The following GLCE variants were observed in gnomAD, a reference collection of about 807,000 sequenced individuals.
GLCE encodes glucuronic acid epimerase, also known as D-glucuronyl C5-epimerase.
Under a neutral mutation model 47.9 loss-of-function variants are expected in GLCE, and 19 were observed. The observed-to-expected ratio is 0.40, with a 90% confidence interval of 0.28 to 0.58. The LOEUF is 0.58. Among genes scored for constraint, GLCE ranks in the 20% least tolerant of loss-of-function variants. The probability of loss-of-function intolerance (pLI) is 0.48; values close to 1 mark genes in which losing one functional copy is unlikely to be tolerated. For synonymous variants in GLCE, 245 were observed against 263.4 expected (o/e 0.93, Z 0.68); for missense variants, 556 against 743.3 (o/e 0.75, Z 2.93).
At chr15:69,247,850 G>T (rs2052775110) in intron 2 of GLCE, among the ~76,000 whole-genome samples, 1 of 152,070 alleles carries the variant, frequency 6.6e-6, no homozygotes, top group African/African-American at 2.4e-5. Context: ...ATCAATAAAG[G>T]TTGCCATTTT....
chr15:69,261,297 G>A lies in GLCE; in HGVS notation c.797G>A (p.Arg266Lys). 6.2e-7 allele frequency: 1 copy of A among 1,613,962 alleles called. No individual in the cohort carries two copies. The highest frequency in any genetic ancestry group is 8.5e-7 in the Non-Finnish European group (1 of 1,179,952). The change falls in exon 4 of 5, where the codon AGA becomes AAA. Residue 266 changes from arginine (R) to lysine (K), a missense_variant. By Grantham distance (26) the Arg-to-Lys change is conservative. Coordinates refer to ENST00000261858, the MANE Select transcript of GLCE (RefSeq NM_015554.3). Reference sequence around the variant, plus strand: ...ATGGCGAATGTGGCTGATAAGTCTAGATTCACCAATGTCAAACAGTTTATT... The same window carrying A: ...ATGGCGAATGTGGCTGATAAGTCTAAATTCACCAATGTCAAACAGTTTATT... Reference protein sequence around the residue: ...CFMANVADKSRFTNVKQFIAP... With the variant: ...CFMANVADKSKFTNVKQFIAP...
intron 2 of GLCE, among the ~76,000 whole-genome samples, chr15:69,215,562 G>GTGTC (rs953209916): frequency 1.3e-5 from 2 of 151,238 alleles, no homozygotes; most frequent in African/African-American, 4.9e-5. Context: ...GTGTGTGTGT[G>GTGTC]TCTCTGTGTG....
At chr15:69,226,054 A>G (rs1291015967) in intron 2 of GLCE, among the ~76,000 whole-genome samples, 1 of 17,082 alleles carries the variant, frequency 5.9e-5, no homozygotes, top group Non-Finnish European at 2.4e-4. Context: ...ACAGACACAC[A>G]CACACACACA....
At chr15:69,227,865 C>T (rs2052471057) in intron 2 of GLCE, among the ~76,000 whole-genome samples, 2 of 152,106 alleles carry the variant, frequency 1.3e-5, no homozygotes, top group Admixed American at 1.3e-4. Context: ...TATGTGGAAA[C>T]TGGGTAAGGT....
chr15:69,202,881 AC>A (rs2052095456), intron 1 of GLCE, among the ~76,000 whole-genome samples: 1 of 152,072 alleles, frequency 6.6e-6, no homozygotes, highest in Admixed American at 6.6e-5. Flanking sequence ...TCTTATTCTG[AC>A]CTTTAATGTT....
At chr15:69,204,343 C>T (rs1228419379) in intron 1 of GLCE, among the ~76,000 whole-genome samples, 1 of 137,584 alleles carries the variant, frequency 7.3e-6, no homozygotes, top group Non-Finnish European at 1.5e-5. Flanking sequence ...AGTGCAGTGG[C>T]ACGATCTCAG....
intron 3 of GLCE, among the ~76,000 whole-genome samples, chr15:69,259,992 T>C (rs1323000274): frequency 6.6e-6 from 1 of 152,176 alleles, no homozygotes; most frequent in Non-Finnish European, 1.5e-5. Context: ...GATTCAACCA[T>C]ACAACATTAT....
intron 1 of GLCE, among the ~76,000 whole-genome samples, chr15:69,192,980 C>T (rs761266886): frequency 7.2e-5 from 11 of 152,076 alleles, no homozygotes; most frequent in Non-Finnish European, 1.0e-4. Context: ...GGTTCACCCT[C>T]CACATGTATA....
intron 2 of GLCE, among the ~76,000 whole-genome samples, chr15:69,253,326 A>G (rs897926577): frequency 6.6e-6 from 1 of 152,082 alleles, no homozygotes; most frequent in East Asian, 1.9e-4. Context: ...CTCCCCACCC[A>G]CTCACCCTGT....
At chr15:69,234,713 C>T (rs945800564) in intron 2 of GLCE, among the ~76,000 whole-genome samples, 3 of 152,126 alleles carry the variant, frequency 2.0e-5, no homozygotes, top group African/African-American at 7.2e-5. Context: ...AGGTCTTAAG[C>T]AGGAGGTTAA....
At chr15:69,192,070 T>A (rs568242722) in intron 1 of GLCE, among the ~76,000 whole-genome samples, 2 of 152,274 alleles carry the variant, frequency 1.3e-5, no homozygotes, top group South Asian at 4.1e-4. Flanking sequence ...CTGCTAGATA[T>A]TGCTTGAACT....
intron 2 of GLCE, among the ~76,000 whole-genome samples, chr15:69,244,806 G>C (rs1009569502): frequency 6.6e-6 from 1 of 152,018 alleles, no homozygotes; most frequent in Admixed American, 6.6e-5. Flanking sequence ...TTTTCCTTTA[G>C]TAAATCTTTT....
At chr15:69,172,019 A>G (rs1039082247) in intron 1 of GLCE, among the ~76,000 whole-genome samples, 2 of 152,228 alleles carry the variant, frequency 1.3e-5, no homozygotes, top group African/African-American at 4.8e-5. Context: ...ATAGTCCAGA[A>G]GATTTCCATG....
intron 3 of GLCE, among the ~76,000 whole-genome samples, chr15:69,257,655 C>A (rs1475176187): frequency 6.6e-6 from 1 of 152,112 alleles, no homozygotes; most frequent in African/African-American, 2.4e-5. Context: ...AATATCCTTA[C>A]CAAATGTTTA....
intron 2 of GLCE, among the ~76,000 whole-genome samples, chr15:69,213,227 C>T (rs2052257466): frequency 6.6e-6 from 1 of 151,932 alleles, no homozygotes; most frequent in South Asian, 2.1e-4. Flanking sequence ...ACTAAATAAT[C>T]AATAATGACT....
At position 69,271,225 on chromosome 15, in the gene GLCE, A is replaced by T. The variant is rs148445360; in HGVS notation, c.*1981A>T. ...GTGATTTCCTTGCTGTTGGTTTTACACTGCCTTCCACATTGCAACAGCAAG... is the reference window on the plus strand; with the variant it reads ...GTGATTTCCTTGCTGTTGGTTTTACTCTGCCTTCCACATTGCAACAGCAAG... On this transcript the variant is annotated 3_prime_UTR_variant, in exon 5 of 5. Transcript: ENST00000261858. 1 of 152,794 alleles carries T rather than the reference A, an allele frequency of 6.5e-6. No individual in the cohort carries two copies. The highest frequency in any genetic ancestry group is 1.9e-4 in the East Asian group (1 of 5,190). 9.5% of individuals were successfully genotyped at this position (152,794 alleles called of 1,614,324 possible). A position where few individuals can be genotyped will look rare whatever the true frequency, so the allele number is the denominator to read the frequency against.
chr15:69,258,138 G>A (rs1426310979), intron 3 of GLCE, among the ~76,000 whole-genome samples: 3 of 151,548 alleles, frequency 2.0e-5, no homozygotes, highest in Admixed American at 1.3e-4. Context: ...TCTGATCCTC[G>A]CCCGCCACCT....
At chr15:69,205,127 A>G (rs191013005) in intron 1 of GLCE, among the ~76,000 whole-genome samples, 2 of 152,158 alleles carry the variant, frequency 1.3e-5, no homozygotes, top group Admixed American at 6.6e-5. Context: ...CCTTAGCTCA[A>G]AAAACTCCTG....
At chr15:69,243,570 C>CA (rs10656486) in intron 2 of GLCE, among the ~76,000 whole-genome samples, 80,770 of 139,726 alleles carry the variant, frequency 0.58, 23,931 homozygotes, top group Admixed American at 0.68. Context: ...GCCCCCATCT[C>CA]AAAAAAAAAA....
Sources: gnomAD v4.1 joint callset for allele counts (sites outside exome capture counted in the v4.1 genomes callset) on GRCh38, gnomAD v4.1.1 for gene constraint, MANE v1.5 for transcripts, NCBI Gene and HGNC (gene_info 2026-07-23, HGNC 2026-07-21) for gene names.